The following SLC38A9 variants were observed in gnomAD, a reference collection of about 807,000 sequenced individuals.
The protein encoded by SLC38A9 is neutral amino acid transporter 9.
Under a neutral mutation model 62.3 loss-of-function variants are expected in SLC38A9, and 48 were observed. The observed-to-expected ratio is 0.77, with a 90% CI of 0.61 to 0.98. The LOEUF is 0.98. SLC38A9 is among the 50% of genes least tolerant of loss of function. SLC38A9 has a pLI of 0.00. For synonymous variants in SLC38A9, 204 were observed against 227.7 expected (o/e 0.90, Z 0.94); for missense variants, 541 against 679.8 (o/e 0.80, Z 2.27).
intron 3 of SLC38A9, among the ~76,000 whole-genome samples, chr5:55,685,296 A>G (rs958871015): frequency 2.0e-4 from 30 of 152,134 alleles, no homozygotes; most frequent in African/African-American, 7.0e-4. Flanking sequence ...GAAACCATTA[A>G]TCTACTTTCT....
chr5:55,655,013 T>A (rs886648194), intron 9 of SLC38A9, among the ~76,000 whole-genome samples: 6 of 151,984 alleles, frequency 3.9e-5, no homozygotes, highest in South Asian at 2.1e-4. Flanking sequence ...AATTAAAAAT[T>A]TTTTTTTGTA....
At chr5:55,682,289 A>G (rs1230494910) in intron 3 of SLC38A9, among the ~76,000 whole-genome samples, 1 of 152,180 alleles carries the variant, frequency 6.6e-6, no homozygotes, top group Non-Finnish European at 1.5e-5. Flanking sequence ...CAAAACAACT[A>G]CAATAAATGT....
chr5:55,693,246 A>G (rs1329436776), intron 3 of SLC38A9: 2 of 152,304 alleles, frequency 1.3e-5, no homozygotes, highest in Admixed American at 6.5e-5. Context: ...TCATTTATAC[A>G]TATTATATTT....
At chr5:55,688,376 A>ATC (rs1261948947) in intron 3 of SLC38A9, among the ~76,000 whole-genome samples, 265 of 122,652 alleles carry the variant, frequency 2.2e-3, no homozygotes, top group African/African-American at 6.5e-3. Context: ...TTAGGGCATA[A>ATC]TCTCTTTTTT....
At chr5:55,705,001 T>C (rs1757111145) in intron 2 of SLC38A9, among the ~76,000 whole-genome samples, 1 of 152,208 alleles carries the variant, frequency 6.6e-6, no homozygotes, top group South Asian at 2.1e-4. Flanking sequence ...CTATCACTTT[T>C]ATTATGAATT....
chr5:55,699,266 A>T (rs1015293441), intron 2 of SLC38A9, among the ~76,000 whole-genome samples: 3 of 152,146 alleles, frequency 2.0e-5, no homozygotes, highest in African/African-American at 2.4e-5. Flanking sequence ...AAAAATAAAT[A>T]AAAAAACACC....
At chr5:55,697,345 G>A (rs1401679289) in intron 3 of SLC38A9, 1 of 152,270 alleles carries the variant, frequency 6.6e-6, no homozygotes, top group Non-Finnish European at 1.5e-5. Context: ...ATTTATTTTT[G>A]CCTGTTTTGT....
chr5:55,672,050 C>G (rs900632314), intron 4 of SLC38A9, among the ~76,000 whole-genome samples: 2 of 152,024 alleles, frequency 1.3e-5, no homozygotes. Context: ...CAGGGTTTCA[C>G]CATCTTCTCC....
At chr5:55,675,374 C>T (rs917870857) in intron 3 of SLC38A9, 1 of 152,050 alleles carries the variant, frequency 6.6e-6, no homozygotes, top group African/African-American at 2.4e-5. Flanking sequence ...AACAGATTCT[C>T]TTCAAAAAAT....
intron 3 of SLC38A9, among the ~76,000 whole-genome samples, chr5:55,673,765 G>A (rs1561387715): frequency 6.8e-6 from 1 of 147,546 alleles, no homozygotes; most frequent in East Asian, 2.0e-4. Context: ...AGGCTGGAGT[G>A]CAGTGGTGCG....
At chr5:55,639,586 A>G (rs1424418401) in intron 12 of SLC38A9, among the ~76,000 whole-genome samples, 1 of 152,110 alleles carries the variant, frequency 6.6e-6, no homozygotes, top group Non-Finnish European at 1.5e-5. Flanking sequence ...CAAGCTTTAC[A>G]TTTTCTGACT....
At chr5:55,667,661 G>T (rs1446362052) in intron 7 of SLC38A9, among the ~76,000 whole-genome samples, 1 of 152,006 alleles carries the variant, frequency 6.6e-6, no homozygotes, top group African/African-American at 2.4e-5. Flanking sequence ...GTAGTGTCAG[G>T]CTTTGTGTTA....
chr5:55,686,026 T>C (rs775337759), intron 3 of SLC38A9, among the ~76,000 whole-genome samples: 2 of 152,240 alleles, frequency 1.3e-5, no homozygotes, highest in East Asian at 1.9e-4. Flanking sequence ...CAGTCTATCA[T>C]TGATGGGCCT....
chr5:55,654,873 A>C lies in SLC38A9; in HGVS notation c.757+1842T>G, dbSNP rs1748120592. 2.0e-5 allele frequency among the ~76,000 whole-genome samples: 3 copies of C among 151,986 alleles called. No individual in the cohort carries two copies. The South Asian group carries it at 6.2e-4, about 32-fold the overall frequency. On this transcript the variant is annotated intron_variant, in intron 9 of 15. Transcript: ENST00000396865. ...AATTTTTTTTTTGAGACAGGATCTC[A>C]CTCACTCAGGCTGGAGGGCAGTGGC...
At chr5:55,674,386 G>C (rs1258733664) in intron 3 of SLC38A9, among the ~76,000 whole-genome samples, 1 of 152,206 alleles carries the variant, frequency 6.6e-6, no homozygotes, top group Non-Finnish European at 1.5e-5. Flanking sequence ...GGACCTTTAA[G>C]AGGTGATTAG....
At chr5:55,682,671 A>G (rs1006676113) in intron 3 of SLC38A9, among the ~76,000 whole-genome samples, 7 of 152,156 alleles carry the variant, frequency 4.6e-5, no homozygotes, top group Non-Finnish European at 8.8e-5. Flanking sequence ...GCCTCCAGGG[A>G]GGCTGAGGCA....
rs76348839 is a variant in SLC38A9, at chr5:55,663,285, C to T, written c.697+1408G>A. Among the ~76,000 whole-genome samples the T allele has an allele frequency of 7.1e-5, 7 of 98,928 alleles. No individual in the cohort carries two copies. The East Asian group carries it at 9.5e-4, about 13-fold the overall frequency. 64.9% of individuals were successfully genotyped at this position (98,928 alleles called of 152,430 possible). ...AACTAGTCTGGGCAACATACTGATA[C>T]TCTGTCTCTACAAAAAAAAAAAAAA... On this transcript the variant is annotated intron_variant, in intron 8 of 15. Coordinates refer to ENST00000396865, the MANE Select transcript of SLC38A9 (RefSeq NM_173514.4).
chr5:55,700,498 T>C (rs576332743), intron 2 of SLC38A9, among the ~76,000 whole-genome samples: 22 of 152,062 alleles, frequency 1.4e-4, no homozygotes, highest in African/African-American at 5.3e-4. Flanking sequence ...AAGGTAACTA[T>C]TAATAGAAAG....
intron 3 of SLC38A9, among the ~76,000 whole-genome samples, chr5:55,690,462 A>G (rs982885226): frequency 3.3e-5 from 5 of 152,082 alleles, no homozygotes; most frequent in Admixed American, 1.3e-4. Context: ...GGAGAAGGGT[A>G]TAAAAGTAAT....
Sources: allele counts gnomAD v4.1 joint callset (sites outside exome capture counted in the v4.1 genomes callset), GRCh38; gene constraint gnomAD v4.1.1; transcripts MANE v1.5; gene names NCBI Gene and HGNC (gene_info 2026-07-23, HGNC 2026-07-21).